Variants in PWWP2A observed in about 807,000 individuals in gnomAD.
The protein encoded by PWWP2A is PWWP domain-containing protein 2A.
In PWWP2A, 18 loss-of-function variants were observed where a neutral mutation model predicts 48.5. That is an observed-to-expected ratio of 0.37 (90% CI 0.26 to 0.55). The LOEUF (loss-of-function observed/expected upper bound fraction) is 0.55. Among genes scored for constraint, PWWP2A ranks in the 20% least tolerant of loss-of-function variants. PWWP2A has a pLI of 0.81. For synonymous variants in PWWP2A, 396 were observed against 387.7 expected (o/e 1.02, Z -0.25); for missense variants, 867 against 976.4 (o/e 0.89, Z 1.49).
Position 160,077,879 on chromosome 5 carries a change from ATTC to A in PWWP2A, c.*273_*275del. 2 of 372,280 alleles carry A rather than the reference ATTC, an allele frequency of 5.4e-6. No homozygotes were observed. Among genetic ancestry groups the A allele is most frequent in the South Asian group, 1.0e-4 (2 of 20,038 alleles). 23.1% of individuals were successfully genotyped at this position (372,280 alleles called of 1,614,324 possible). A position where few individuals can be genotyped will look rare whatever the true frequency, so the allele number is the denominator to read the frequency against. ...CTGTCAGTGTTTCTTCATATATAAA[ATTC>A]AAGTGAGTTCTTACGTGTGTAATTC... On this transcript the variant is annotated 3_prime_UTR_variant, in exon 4 of 4. Transcript: ENST00000456329. This position sits in a 1 kb window ranked among gnomAD's most constrained non-coding sequence, Gnocchi z 4.2.
intron 1 of PWWP2A, among the ~76,000 whole-genome samples, chr5:160,113,681 C>T (rs753603514): frequency 2.0e-5 from 3 of 152,188 alleles, no homozygotes; most frequent in East Asian, 3.8e-4. Context: ...GTGGAGTCTC[C>T]GGAGCCAGGT....
chr5:160,055,748 G>A, the PWWP2A span, among the ~76,000 whole-genome samples: 5 of 152,210 alleles, frequency 3.3e-5, no homozygotes, highest in Non-Finnish European at 7.3e-5. Context: ...GCCAGAGGAG[G>A]GCATGGCTAA....
intron 1 of PWWP2A, among the ~76,000 whole-genome samples, chr5:160,103,184 G>C (rs529483801): frequency 2.0e-5 from 3 of 152,150 alleles, no homozygotes; most frequent in African/African-American, 7.2e-5. Flanking sequence ...TCTAGAAAGA[G>C]TTTCCAAGAA....
At chr5:160,050,627 C>CTTT in the PWWP2A span, among the ~76,000 whole-genome samples, 4 of 109,336 alleles carry the variant, frequency 3.7e-5, no homozygotes, top group Non-Finnish European at 7.4e-5. Context: ...CCAAACAAAA[C>CTTT]TTTTTTTTTT....
intron 2 of PWWP2A, among the ~76,000 whole-genome samples, chr5:160,082,357 T>C (rs1754300608): frequency 6.7e-6 from 1 of 149,642 alleles, no homozygotes; most frequent in Non-Finnish European, 1.5e-5. Flanking sequence ...GGCAGGAGAA[T>C]GGCGTGAACC....
chr5:160,119,308 C>T lies in PWWP2A; in HGVS notation c.81G>A (p.Met27Ile). ...EGGAGEAEPEMEPIPGSEAGT... is the reference protein window; with the variant it reads ...EGGAGEAEPEIEPIPGSEAGT... ...CGGCCTCACTGCCGGGGATGGGCTCCATCTCCGGCTCGGCCTCGCCGGCGC... is the reference window on the plus strand; with the variant it reads ...CGGCCTCACTGCCGGGGATGGGCTCTATCTCCGGCTCGGCCTCGCCGGCGC... The change falls in exon 1 of 2, where the codon ATG (methionine) becomes ATA (isoleucine). Residue 27 changes from methionine to isoleucine, a missense_variant. Met to Ile is a conservative substitution (Grantham distance 10). Transcript: ENST00000307063. 7.2e-7 allele frequency: 1 copy of T among 1,388,806 alleles called. No individual in the cohort carries two copies. Among genetic ancestry groups the T allele is most frequent in the Non-Finnish European group, 9.3e-7 (1 of 1,077,988 alleles). The allele number at this position is 1,388,806 out of a possible 1,614,324, so 86.0% of individuals were successfully genotyped here. A position where few individuals can be genotyped will look rare whatever the true frequency, so the allele number is the denominator to read the frequency against.
intron 4 of PWWP2A, chr5:160,065,279 G>A (rs1470016695): frequency 2.6e-6 from 2 of 759,744 alleles, no homozygotes; most frequent in African/African-American, 1.7e-5. Flanking sequence ...ATTTTAAGGT[G>A]GTGTCTGTGC....
chr5:160,060,127 G>C (rs1216204101), downstream of PWWP2A, among the ~76,000 whole-genome samples: 1 of 152,206 alleles, frequency 6.6e-6, no homozygotes, highest in Non-Finnish European at 1.5e-5. Flanking sequence ...AGGAAATGTG[G>C]TATTAGGATT....
intron 2 of PWWP2A, among the ~76,000 whole-genome samples, chr5:160,067,365 CCTTGGACTA>C (rs1217674574): frequency 5.9e-5 from 9 of 152,182 alleles, no homozygotes; most frequent in Middle Eastern, 3.4e-3. Context: ...ACCTATGGAT[CCTTGGACTA>C]CATTTTGAGA....
chr5:160,045,558 TCCC>T, the PWWP2A span, among the ~76,000 whole-genome samples: 25 of 63,568 alleles, frequency 3.9e-4, 1 homozygote, highest in African/African-American at 1.2e-3. Flanking sequence ...TCTCTCCCCC[TCCC>T]CTCTCTCAAT....
intron 1 of PWWP2A, among the ~76,000 whole-genome samples, chr5:160,098,804 C>T (rs974919209): frequency 6.6e-6 from 1 of 152,136 alleles, no homozygotes; most frequent in African/African-American, 2.4e-5. Context: ...CCCGTCTCTA[C>T]TAAAAATACA....
downstream of PWWP2A, among the ~76,000 whole-genome samples, chr5:160,072,374 T>C (rs372990282): frequency 2.6e-5 from 4 of 152,166 alleles, no homozygotes; most frequent in South Asian, 2.1e-4. Flanking sequence ...ACCAGCCAGT[T>C]CAAGAGGTAG....
chr5:160,075,915 G>T (rs1206729535), exon 4 of PWWP2A: 1 of 150,392 alleles, frequency 6.6e-6, no homozygotes. Flanking sequence ...TTGGATAAAG[G>T]TTACACAACA....
chr5:160,068,311 T>C (rs115052716), intron 2 of PWWP2A, among the ~76,000 whole-genome samples: 280 of 152,316 alleles, frequency 1.8e-3, no homozygotes, highest in African/African-American at 6.4e-3. Flanking sequence ...TGGGTCAAAA[T>C]AATTTTTGGA....
chr5:160,115,137 CAAAAAAAAAAAA>C (rs535110852), intron 1 of PWWP2A, among the ~76,000 whole-genome samples: 122 of 88,432 alleles, frequency 1.4e-3, no homozygotes, highest in Middle Eastern at 6.9e-3. Context: ...GAGACTCTGT[CAAAAAAAAAAAA>C]AAAAAAAAAA....
Position 160,118,945 on chromosome 5 carries a change from G to A in PWWP2A, c.444C>T (p.Gly148=), listed in dbSNP as rs980958650. 3 of 1,597,296 alleles carry A rather than the reference G, an allele frequency of 1.9e-6. No homozygotes were observed. The highest frequency in any genetic ancestry group is 1.7e-4 in the Middle Eastern group (1 of 6,022). ...TCAGTTGCGACACCGTGGAGTCCCC[G>A]CCCGCCGGCGGCACGAGCGCCGGGG... ...PVAPALVPPA[G]GDSTVSQLIP... Residue 148 remains glycine, a synonymous_variant, in exon 1 of 2, where the codon GGC becomes GGT. Transcript: ENST00000307063.
intron 2 of PWWP2A, among the ~76,000 whole-genome samples, chr5:160,084,590 A>C (rs1326111448): frequency 6.6e-6 from 1 of 151,976 alleles, no homozygotes; most frequent in Non-Finnish European, 1.5e-5. Flanking sequence ...CACCGAGCCC[A>C]CCTTATTTTT....
chr5:160,072,775 G>A (rs1753769612), downstream of PWWP2A, among the ~76,000 whole-genome samples: 1 of 151,818 alleles, frequency 6.6e-6, no homozygotes, highest in Non-Finnish European at 1.5e-5. Context: ...CAGGTGTGAT[G>A]GCAGGTGCCT....
downstream of PWWP2A, chr5:160,089,657 G>C (rs1418616710): frequency 7.8e-7 from 1 of 1,285,034 alleles, no homozygotes; most frequent in Admixed American, 2.3e-5. Context: ...ACATTTCTGA[G>C]AATTTCCAGA....
Sources: allele counts gnomAD v4.1 joint callset (sites outside exome capture counted in the v4.1 genomes callset), GRCh38; gene constraint gnomAD v4.1.1; non-coding constraint Gnocchi (gnomAD v3.1); transcripts MANE v1.5; gene names NCBI Gene and HGNC (gene_info 2026-07-23, HGNC 2026-07-21).